Variants in ACOT7 observed in about 807,000 individuals in gnomAD.
ACOT7 encodes acyl-CoA thioesterase 7, also known as cytosolic acyl coenzyme A thioester hydrolase.
Under a neutral mutation model 40.2 loss-of-function variants are expected in ACOT7, and 12 were observed. That is an observed-to-expected ratio of 0.30 (90% CI 0.19 to 0.48). The LOEUF is 0.48. Ranked by LOEUF, ACOT7 falls within the 20% of genes least tolerant of loss-of-function variation. The pLI, the probability that ACOT7 is intolerant of heterozygous loss-of-function variation, is 0.99. For synonymous variants in ACOT7, 228 were observed against 219.5 expected (o/e 1.04, Z -0.34); for missense variants, 395 against 530.8 (o/e 0.74, Z 2.51).
intron 1 of ACOT7, among the ~76,000 whole-genome samples, chr1:6,364,918 G>A (rs1024484378): frequency 6.6e-6 from 1 of 151,374 alleles, no homozygotes; most frequent in Non-Finnish European, 1.5e-5. Context: ...AGGTACTCAG[G>A]AGGCTGAGGA....
intron 6 of ACOT7, among the ~76,000 whole-genome samples, chr1:6,297,879 T>TA (rs1408384714): frequency 6.6e-6 from 1 of 152,218 alleles, no homozygotes; most frequent in East Asian, 1.9e-4. Context: ...TGGGATGCTC[T>TA]ACACTCTGCT....
At chr1:6,356,918 C>CA (rs139388424) in intron 1 of ACOT7, among the ~76,000 whole-genome samples, 16,894 of 112,476 alleles carry the variant, frequency 0.15, 1,344 homozygotes, top group African/African-American at 0.26. Flanking sequence ...GACTGTGTCT[C>CA]AAAAAAAAAA....
chr1:6,354,103 T>C (rs1641671473), intron 1 of ACOT7, among the ~76,000 whole-genome samples: 1 of 152,176 alleles, frequency 6.6e-6, no homozygotes, highest in Non-Finnish European at 1.5e-5. Context: ...TGGCAGGTGC[T>C]GGGGCCCAAG....
At chr1:6,371,763 G>A (rs1343623605) in intron 1 of ACOT7, among the ~76,000 whole-genome samples, 1 of 152,082 alleles carries the variant, frequency 6.6e-6, no homozygotes, top group Non-Finnish European at 1.5e-5. Flanking sequence ...TGAAAACCTA[G>A]GCAGGGCATA....
rs1639609793 is a variant in ACOT7, at chr1:6,289,647, T to C, written c.829+5217A>G. Among the ~76,000 whole-genome samples, 1 of 152,094 alleles carries C rather than the reference T, an allele frequency of 6.6e-6. No individual in the cohort carries two copies. The highest frequency in any genetic ancestry group is 2.1e-4 in the South Asian group (1 of 4,818). On this transcript the variant is annotated intron_variant, in intron 7 of 8. Coordinates refer to ENST00000361521, the MANE Select transcript of ACOT7 (RefSeq NM_007274.4). The surrounding 1 kb of genome is among the most constrained non-coding windows in gnomAD (Gnocchi z 4.6). ...CCTCAGCCTCACAAAGTGTTGGAATTACAAGCGTGAGCCACTGTGACCAGC... is the reference window on the plus strand; with the variant it reads ...CCTCAGCCTCACAAAGTGTTGGAATCACAAGCGTGAGCCACTGTGACCAGC...
Position 6,389,710 on chromosome 1 carries a change from G to A in ACOT7, c.143+3547C>T, listed in dbSNP as rs893685108. On this transcript the variant is annotated intron_variant, in intron 1 of 8. Transcript: ENST00000361521. ...GAGGCAGGAGAATCAGTAGAACCTC[G>A]AAGGCAGAGGTTGCAGTGAGCCGAG... Among the ~76,000 whole-genome samples, 12 of 150,352 alleles carry A rather than the reference G, an allele frequency of 8.0e-5. No homozygotes were observed. The East Asian group carries it at 2.3e-3, about 29-fold the overall frequency.
intron 7 of ACOT7, among the ~76,000 whole-genome samples, chr1:6,293,671 G>A (rs115132396): frequency 2.0e-3 from 310 of 152,288 alleles, no homozygotes; most frequent in African/African-American, 7.0e-3. Context: ...ACTGTACTCC[G>A]GCCTGGGTGA....
chr1:6,309,841 G>A (rs1640282207), intron 6 of ACOT7, among the ~76,000 whole-genome samples: 1 of 152,230 alleles, frequency 6.6e-6, no homozygotes, highest in Non-Finnish European at 1.5e-5. Context: ...CTCTATGTCT[G>A]TAATAATAAA....
chr1:6,265,244 ACTGCC>A lies in ACOT7; in HGVS notation c.1015-554_1015-550del, dbSNP rs1638789681. 4.4e-5 allele frequency among the ~76,000 whole-genome samples: 6 copies of A among 136,942 alleles called. No individual in the cohort carries two copies. The South Asian group carries it at 1.4e-3, about 32-fold the overall frequency. The allele number at this position is 136,942 out of a possible 152,430, so 89.8% of individuals were successfully genotyped here. ...TGGGGAAAGCCAGCTGCACACGGTC[ACTGCC>A]CCAGAGAGACGTGGGGAAAGCCAGC... On this transcript the variant is annotated intron_variant, in intron 8 of 8. Coordinates refer to ENST00000361521, the MANE Select transcript of ACOT7 (RefSeq NM_007274.4).
intron 5 of ACOT7, among the ~76,000 whole-genome samples, chr1:6,323,737 AATAT>A (rs57302929): frequency 8.0e-3 from 308 of 38,378 alleles, no homozygotes; most frequent in African/African-American, 0.014. Flanking sequence ...AAAAAAAAAA[AATAT>A]ATATATATAT....
chr1:6,390,826 C>T lies in ACOT7; in HGVS notation c.143+2431G>A, dbSNP rs571842386. 3.3e-5 allele frequency among the ~76,000 whole-genome samples: 5 copies of T among 151,824 alleles called. No individual in the cohort carries two copies. In the East Asian group the frequency reaches 5.8e-4, roughly 18 times the overall value. On this transcript the variant is annotated intron_variant, in intron 1 of 8. Transcript: ENST00000361521. ...TGGCGGGTACCTATAATCCCAGCAA[C>T]TCAGGAGGCTGAGGTGGAAGAATCG... is the stretch of plus-strand genomic sequence containing the variant.
rs1379899175 is a variant in ACOT7, at chr1:6,282,277, GA to G, written c.830-992del. ...CAGGCATGAGACACCCTGCCTGGGG[GA>G]TAGCTACGGGATGGAAGGACTCAAG... On this transcript the variant is annotated intron_variant, in intron 7 of 8. Coordinates refer to ENST00000361521, the MANE Select transcript of ACOT7 (RefSeq NM_007274.4). This position sits in a 1 kb window ranked among gnomAD's most constrained non-coding sequence, Gnocchi z 4.5. Among the ~76,000 whole-genome samples, 10 of 152,278 alleles carry G rather than the reference GA, an allele frequency of 6.6e-5. No homozygotes were observed. The East Asian group carries it at 1.9e-3, about 29-fold the overall frequency.
chr1:6,392,155 C>T (rs1557678333), intron 1 of ACOT7, among the ~76,000 whole-genome samples: 1 of 152,168 alleles, frequency 6.6e-6, no homozygotes, highest in Non-Finnish European at 1.5e-5. Flanking sequence ...ATATGCCCAG[C>T]CTTCCTGGAG....
At chr1:6,284,576 CAAAAAA>C (rs561943319) in intron 7 of ACOT7, among the ~76,000 whole-genome samples, 3 of 58,000 alleles carry the variant, frequency 5.2e-5, no homozygotes, top group African/African-American at 1.3e-4. Flanking sequence ...AACTCCATCT[CAAAAAA>C]AAAAAAAAAA....
intron 1 of ACOT7, among the ~76,000 whole-genome samples, chr1:6,390,096 G>T (rs551386046): frequency 6.6e-6 from 1 of 152,082 alleles, no homozygotes; most frequent in Non-Finnish European, 1.5e-5. Flanking sequence ...AGTGTCCTGC[G>T]GTTTCTCTGA....
chr1:6,321,578 G>A (rs1186341735), intron 5 of ACOT7, among the ~76,000 whole-genome samples: 1 of 152,212 alleles, frequency 6.6e-6, no homozygotes, highest in Admixed American at 6.5e-5. Context: ...GCAGTGATGT[G>A]ATCTCGGCTC....
intron 6 of ACOT7, among the ~76,000 whole-genome samples, chr1:6,300,481 A>G (rs1045649300): frequency 6.6e-6 from 1 of 151,582 alleles, no homozygotes; most frequent in Non-Finnish European, 1.5e-5. Context: ...CAAACACGGA[A>G]TCTCACCGGA....
At chr1:6,279,680 T>C (rs1639297589) in intron 8 of ACOT7, among the ~76,000 whole-genome samples, 1 of 152,150 alleles carries the variant, frequency 6.6e-6, no homozygotes, top group African/African-American at 2.4e-5. Flanking sequence ...CCACCCGACC[T>C]GGGAGAGGCC....
chr1:6,328,842 T>A (rs143447942), intron 4 of ACOT7, among the ~76,000 whole-genome samples: 1 of 151,398 alleles, frequency 6.6e-6, no homozygotes, highest in Non-Finnish European at 1.5e-5. Flanking sequence ...CACACTCGGA[T>A]GGGACCCTCG....
Sources: gnomAD v4.1 joint callset for allele counts (sites outside exome capture counted in the v4.1 genomes callset) on GRCh38, gnomAD v4.1.1 for gene constraint, Gnocchi (gnomAD v3.1) non-coding constraint, MANE v1.5 for transcripts, NCBI Gene and HGNC (gene_info 2026-07-23, HGNC 2026-07-21) for gene names.